Variants in FILIP1L observed in about 807,000 individuals in gnomAD.
FILIP1L encodes filamin A interacting protein 1 like.
In FILIP1L, 55 loss-of-function variants were observed where a neutral mutation model predicts 96.6. That is an observed-to-expected ratio of 0.57 (90% CI 0.46 to 0.71). The LOEUF is 0.71. Ranked by LOEUF, FILIP1L falls within the 30% of genes least tolerant of loss-of-function variation. The pLI is 0.00. For missense variants in FILIP1L, 1,304 were observed against 1,321.2 expected (o/e 0.99, Z 0.20); for synonymous variants, 467 against 473.9 (o/e 0.99, Z 0.19).
Position 99,952,803 on chromosome 3 carries a change from G to A in FILIP1L, c.-10-21773C>T, listed in dbSNP as rs139983964. On this transcript the variant is annotated intron_variant, in intron 1 of 5. Transcript: ENST00000477258. ...TTCCTAAGAAGAAACACAAGAAAAC[G>A]TGTCTTACAGATTTTATTTGAATTA... 4.2e-3 allele frequency among the ~76,000 whole-genome samples: 635 copies of A among 152,138 alleles called. 4 individuals carry two copies. Among genetic ancestry groups the A allele is most frequent in the African/African-American group, 0.015 (604 of 41,506 alleles).
rs532866592 is a variant in FILIP1L at position 100,069,551 on chromosome 3, A to G, written c.-11+44502T>C. Among the ~76,000 whole-genome samples, 9 of 152,222 alleles carry G rather than the reference A, an allele frequency of 5.9e-5. No homozygotes were observed. In the South Asian group the frequency reaches 8.3e-4, roughly 14 times the overall value. ...TCTGATACGGCAGCCAATGGAATCAATGTCACAGTCTAAAAACTAGTGGTT... is the reference window on the plus strand; with the variant it reads ...TCTGATACGGCAGCCAATGGAATCAGTGTCACAGTCTAAAAACTAGTGGTT... On this transcript the variant is annotated intron_variant, in intron 1 of 5. Coordinates refer to ENST00000477258, the MANE Select transcript of FILIP1L (RefSeq NM_001387850.1).
chr3:99,856,459 A>T (rs945646092), intron 4 of FILIP1L, among the ~76,000 whole-genome samples: 2 of 152,198 alleles, frequency 1.3e-5, no homozygotes, highest in African/African-American at 2.4e-5. Flanking sequence ...ACACCACAGC[A>T]TTATAGGAAC....
intron 4 of FILIP1L, among the ~76,000 whole-genome samples, chr3:99,917,560 G>A (rs1212756284): frequency 2.6e-5 from 4 of 152,116 alleles, no homozygotes; most frequent in Non-Finnish European, 5.9e-5. Flanking sequence ...AAAAATCAAA[G>A]CATTGGTCTA....
intron 4 of FILIP1L, among the ~76,000 whole-genome samples, chr3:99,923,359 A>C (rs1707183378): frequency 6.6e-6 from 1 of 152,192 alleles, no homozygotes; most frequent in Non-Finnish European, 1.5e-5. Context: ...TGTCTAAACC[A>C]GGACTCATCT....
At chr3:99,897,693 G>A (rs1706303585) in intron 4 of FILIP1L, among the ~76,000 whole-genome samples, 2 of 152,110 alleles carry the variant, frequency 1.3e-5, no homozygotes, top group South Asian at 4.1e-4. Flanking sequence ...AAGCAATGAG[G>A]TTCTGAGCTG....
intron 4 of FILIP1L, among the ~76,000 whole-genome samples, chr3:99,903,978 G>A (rs550080105): frequency 6.6e-6 from 1 of 152,284 alleles, no homozygotes; most frequent in Non-Finnish European, 1.5e-5. Flanking sequence ...AGCTAATTGA[G>A]TTAAGCAAGA....
At chr3:99,831,957 A>G (rs1281417867) in intron 5 of FILIP1L, among the ~76,000 whole-genome samples, 1 of 152,144 alleles carries the variant, frequency 6.6e-6, no homozygotes, top group East Asian at 1.9e-4. Context: ...TGAAAGGCCG[A>G]GACAGATTGG....
At chr3:100,037,968 G>GA (rs746576334) in intron 1 of FILIP1L, among the ~76,000 whole-genome samples, 5 of 15,102 alleles carry the variant, frequency 3.3e-4, no homozygotes, top group South Asian at 5.0e-3. Flanking sequence ...GGGGGGGAGG[G>GA]AACAGAGTCT....
intron 1 of FILIP1L, among the ~76,000 whole-genome samples, chr3:100,068,704 T>C (rs1447755327): frequency 1.3e-5 from 2 of 152,226 alleles, no homozygotes; most frequent in Non-Finnish European, 2.9e-5. Flanking sequence ...CTCGGCTTAC[T>C]GCAACCTCTA....
At position 100,007,403 on chromosome 3, in the gene FILIP1L, G is replaced by A. The variant is rs2107183499; in HGVS notation, c.-10-76373C>T. Among the ~76,000 whole-genome samples the A allele has an allele frequency of 3.9e-5, 6 of 152,220 alleles. 1 individual carries two copies. In the South Asian group the frequency reaches 1.2e-3, roughly 32 times the overall value. ...TTGCCATGGCTCGCTAATGCATTTT[G>A]TGTGAAATATCAAATTTTGGAAACC... On this transcript the variant is annotated intron_variant, in intron 1 of 5. Coordinates refer to ENST00000477258, the MANE Select transcript of FILIP1L (RefSeq NM_001387850.1).
rs141449044 is a variant in FILIP1L, at chr3:99,851,036, G to C, written c.640C>G (p.Gln214Glu). 1,346 of 1,600,692 alleles carry C rather than the reference G, an allele frequency of 8.4e-4. 11 individuals are homozygous for C. In the African/African-American group the frequency reaches 0.016, roughly 19 times the overall value. Residue 214 changes from glutamine (Q) to glutamate (E), a missense_variant, in exon 5 of 6, where the codon CAG becomes GAG. Physicochemically the swap from Gln to Glu is conservative, Grantham distance 29. Coordinates refer to ENST00000477258, the MANE Select transcript of FILIP1L (RefSeq NM_001387850.1). ...TCCTTTTCTTGCTCCTTCTCCTCCTGAGACTTGATTTCTTGATCAATTAGC... is the reference window on the plus strand; with the variant it reads ...TCCTTTTCTTGCTCCTTCTCCTCCTCAGACTTGATTTCTTGATCAATTAGC... ...KKLIDQEIKSQEEKEQEKEKR... is the reference protein window; with the variant it reads ...KKLIDQEIKSEEEKEQEKEKR...
chr3:99,950,730 T>C (rs531233440), intron 1 of FILIP1L, among the ~76,000 whole-genome samples: 2 of 152,292 alleles, frequency 1.3e-5, no homozygotes, highest in South Asian at 4.1e-4. Context: ...GAAAAAGCTG[T>C]GTGTTAAATT....
chr3:100,042,671 T>G lies in FILIP1L; in HGVS notation c.-11+71382A>C, dbSNP rs531254024. 2.0e-5 allele frequency among the ~76,000 whole-genome samples: 3 copies of G among 152,350 alleles called. No individual in the cohort carries two copies. The East Asian group carries it at 5.8e-4, about 29-fold the overall frequency. On this transcript the variant is annotated intron_variant, in intron 1 of 5. Coordinates refer to ENST00000477258, the MANE Select transcript of FILIP1L (RefSeq NM_001387850.1). ...TACTGAAGAATTTTATTGCCTTTTA[T>G]GGAGAACATGAGGGAGGAATAGAGA...
chr3:100,080,324 A>G (rs772408695), intron 1 of FILIP1L, among the ~76,000 whole-genome samples: 4 of 102,090 alleles, frequency 3.9e-5, no homozygotes, highest in African/African-American at 8.5e-5. Context: ...TAAGAGGGGG[A>G]AAAAAAAATT....
At chr3:100,080,278 C>G (rs188315708) in intron 1 of FILIP1L, among the ~76,000 whole-genome samples, 1 of 151,990 alleles carries the variant, frequency 6.6e-6, no homozygotes, top group Admixed American at 6.6e-5. Context: ...CCACTGCACC[C>G]GGCCATCATT....
At chr3:99,992,289 A>T (rs1003434492) in intron 1 of FILIP1L, among the ~76,000 whole-genome samples, 1 of 152,114 alleles carries the variant, frequency 6.6e-6, no homozygotes, top group Admixed American at 6.6e-5. Flanking sequence ...TCCCATCAAC[A>T]GTATATAAGT....
At chr3:99,900,524 A>C (rs1706401229) in intron 4 of FILIP1L, among the ~76,000 whole-genome samples, 1 of 152,212 alleles carries the variant, frequency 6.6e-6, no homozygotes, top group Non-Finnish European at 1.5e-5. Context: ...ACAAGATTTC[A>C]AACCAAGGAA....
At chr3:100,059,167 T>C (rs942405441) in intron 1 of FILIP1L, among the ~76,000 whole-genome samples, 5 of 152,258 alleles carry the variant, frequency 3.3e-5, no homozygotes, top group African/African-American at 9.6e-5. Flanking sequence ...CAGAAACATA[T>C]ACTTGGAGTT....
Position 100,068,858 on chromosome 3 carries a change from CTTCTG to C in FILIP1L, c.-11+45190_-11+45194del, listed in dbSNP as rs375305639. Among the ~76,000 whole-genome samples the C allele has an allele frequency of 6.8e-4, 103 of 152,260 alleles. 1 individual carries two copies. The highest frequency in any genetic ancestry group is 2.5e-3 in the African/African-American group (102 of 41,562). ...GGCCAGGCTGGTCTCAAAGATGTTT[CTTCTG>C]TTTGTGATTTCAGAGGTTATTTTGT... On this transcript the variant is annotated intron_variant, in intron 1 of 5. Coordinates refer to ENST00000477258, the MANE Select transcript of FILIP1L (RefSeq NM_001387850.1).
Sources: gnomAD v4.1 joint callset for allele counts (sites outside exome capture counted in the v4.1 genomes callset) on GRCh38, gnomAD v4.1.1 for gene constraint, MANE v1.5 for transcripts, NCBI Gene and HGNC (gene_info 2026-07-23, HGNC 2026-07-21) for gene names.